Variants in PIEZO2 observed in about 807,000 individuals in gnomAD.
PIEZO2 encodes the protein piezo-type mechanosensitive ion channel component 2.
PIEZO2 carries 172 observed loss-of-function variants against 337.3 expected under a neutral mutation model. The ratio of observed to expected loss-of-function variants is 0.51; its 90% CI spans 0.45 to 0.58. The LOEUF (loss-of-function observed/expected upper bound fraction) is 0.58, where lower values mean the gene tolerates loss of function less well. Ranked by LOEUF, PIEZO2 falls within the 20% of genes least tolerant of loss-of-function variation. The probability of loss-of-function intolerance (pLI) is 0.00; values close to 1 mark genes in which losing one functional copy is unlikely to be tolerated. For missense variants in PIEZO2, 3,028 were observed against 3,391.3 expected (o/e 0.89, Z 2.66); for synonymous variants, 1,251 against 1,228.5 (o/e 1.02, Z -0.38).
At chr18:10,978,383 A>C (rs1258710553) in intron 3 of PIEZO2, among the ~76,000 whole-genome samples, 1 of 152,016 alleles carries the variant, frequency 6.6e-6, no homozygotes, top group East Asian at 1.9e-4. Context: ...TGAACTGTAT[A>C]TTTTAAATGG....
intron 7 of PIEZO2, among the ~76,000 whole-genome samples, chr18:10,841,317 T>A (rs2041185913): frequency 6.6e-6 from 1 of 152,002 alleles, no homozygotes; most frequent in Admixed American, 6.6e-5. Flanking sequence ...CAGCACTAAA[T>A]TCCCTCCCCT....
At chr18:11,100,816 C>T (rs533775113) in intron 1 of PIEZO2, among the ~76,000 whole-genome samples, 74 of 152,250 alleles carry the variant, frequency 4.9e-4, no homozygotes, top group Non-Finnish European at 8.7e-4. Context: ...AGGATGGTCT[C>T]GATCTCCTGA....
At chr18:10,805,591 G>A (rs1208016411) in intron 8 of PIEZO2, among the ~76,000 whole-genome samples, 1 of 152,238 alleles carries the variant, frequency 6.6e-6, no homozygotes, top group Non-Finnish European at 1.5e-5. Context: ...ACATATGCAT[G>A]TTTGTGGAGG....
intron 43 of PIEZO2, among the ~76,000 whole-genome samples, chr18:10,700,232 A>T (rs2035275460): frequency 6.6e-6 from 1 of 152,130 alleles, no homozygotes; most frequent in African/African-American, 2.4e-5. Context: ...AATTCTTCTA[A>T]TTATTTATCA....
chr18:10,919,682 T>C (rs1419711175), intron 3 of PIEZO2, among the ~76,000 whole-genome samples: 2 of 152,140 alleles, frequency 1.3e-5, no homozygotes, highest in Non-Finnish European at 2.9e-5. Context: ...TCCATATTAC[T>C]CTCAAAAGAA....
chr18:10,763,801 A>T (rs1249186689), intron 21 of PIEZO2, among the ~76,000 whole-genome samples: 3 of 152,168 alleles, frequency 2.0e-5, no homozygotes, highest in Non-Finnish European at 4.4e-5. Flanking sequence ...CTTTTGGGTG[A>T]CCCACTCACG....
intron 1 of PIEZO2, among the ~76,000 whole-genome samples, chr18:11,118,100 T>C (rs2039937039): frequency 6.6e-6 from 1 of 152,264 alleles, no homozygotes; most frequent in Non-Finnish European, 1.5e-5. Context: ...TGACATTTAC[T>C]TCCACCTCTG....
chr18:11,068,958 A>G (rs1241355891), intron 1 of PIEZO2, among the ~76,000 whole-genome samples: 4 of 152,186 alleles, frequency 2.6e-5, no homozygotes, highest in African/African-American at 9.6e-5. Flanking sequence ...ACAACCTACC[A>G]TGATGGAATC....
chr18:10,671,125 G>A lies in PIEZO2; in HGVS notation c.*402C>T, dbSNP rs950230277. On this transcript the variant is annotated 3_prime_UTR_variant, in exon 56 of 56. Coordinates refer to ENST00000674853, the MANE Select transcript of PIEZO2 (RefSeq NM_001378183.1). ...TCACAGCAGCTTCCCCAGTGGGGAT[G>A]GAGCGCTGTATATTGCATTGTAGCA... is the stretch of plus-strand genomic sequence containing the variant. The A allele has an allele frequency of 1.9e-5, 3 of 158,594 alleles. No individual in the cohort carries two copies. Among genetic ancestry groups the A allele is most frequent in the African/African-American group, 7.2e-5 (3 of 41,492 alleles). 9.8% of individuals were successfully genotyped at this position (158,594 alleles called of 1,614,324 possible).
chr18:10,798,294 C>A (rs1320835331), intron 11 of PIEZO2, among the ~76,000 whole-genome samples: 1 of 152,186 alleles, frequency 6.6e-6, no homozygotes, highest in Non-Finnish European at 1.5e-5. Flanking sequence ...TTGTTCAAAT[C>A]AAATGGGCTA....
intron 2 of PIEZO2, among the ~76,000 whole-genome samples, chr18:11,056,784 G>A (rs575319694): frequency 2.0e-5 from 3 of 152,230 alleles, no homozygotes; most frequent in Admixed American, 2.0e-4. Context: ...ACAGTCAGCT[G>A]TGTCCATTAG....
Position 11,096,554 on chromosome 18 carries a change from C to G in PIEZO2, c.65-30332G>C, listed in dbSNP as rs1269554745. On this transcript the variant is annotated intron_variant, in intron 1 of 55. Coordinates refer to ENST00000674853, the MANE Select transcript of PIEZO2 (RefSeq NM_001378183.1). This position sits in a 1 kb window ranked among gnomAD's most constrained non-coding sequence, Gnocchi z 4.6. ...GCATTCTCTGTGGCCATTCCCAGTT[C>G]TTTTCTGCAGGGATTTCCAAGAGAA... Among the ~76,000 whole-genome samples, 1 of 152,174 alleles carries G rather than the reference C, an allele frequency of 6.6e-6. No homozygotes were observed. Among genetic ancestry groups the G allele is most frequent in the African/African-American group, 2.4e-5 (1 of 41,450 alleles).
At chr18:10,908,450 C>G (rs548789972) in intron 4 of PIEZO2, 7 of 152,094 alleles carry the variant, frequency 4.6e-5, no homozygotes, top group Non-Finnish European at 1.0e-4. Context: ...AACCAGATAG[C>G]TGTATTTAAG....
At chr18:10,704,350 A>G in intron 42 of PIEZO2, 44 bp downstream of exon 42, 3 of 1,528,434 alleles carry the variant, frequency 2.0e-6, no homozygotes, top group Admixed American at 3.9e-5. Flanking sequence ...TTCCCCTTGC[A>G]TAGCCGCCTG....
At chr18:11,054,522 C>A (rs2037645713) in intron 2 of PIEZO2, among the ~76,000 whole-genome samples, 1 of 152,112 alleles carries the variant, frequency 6.6e-6, no homozygotes, top group East Asian at 1.9e-4. Flanking sequence ...CATCAGGCAA[C>A]CTTCGGGCAA....
chr18:10,680,046 G>T (rs1043767042), intron 52 of PIEZO2, among the ~76,000 whole-genome samples, 153 bp downstream of exon 52: 7 of 152,178 alleles, frequency 4.6e-5, no homozygotes, highest in African/African-American at 1.7e-4. Context: ...GTTAGCTTTG[G>T]CATTGAAGGT....
chr18:10,975,798 C>T (rs1029237571), intron 3 of PIEZO2, among the ~76,000 whole-genome samples: 1 of 152,098 alleles, frequency 6.6e-6, no homozygotes, highest in African/African-American at 2.4e-5. Flanking sequence ...TATAAATGAG[C>T]GCTTGGTGGT....
At chr18:10,740,824 C>G (rs2144150143) in intron 33 of PIEZO2, 1 of 693,088 alleles carries the variant, frequency 1.4e-6, no homozygotes, top group Non-Finnish European at 2.6e-6. Flanking sequence ...ACAAGAATGT[C>G]AGAACGTCTG....
intron 2 of PIEZO2, among the ~76,000 whole-genome samples, chr18:10,992,132 C>T (rs2035134054): frequency 6.6e-6 from 1 of 152,058 alleles, no homozygotes; most frequent in African/African-American, 2.4e-5. Flanking sequence ...GGATATTAGC[C>T]ATTTGTCAGA....
Sources: allele counts gnomAD v4.1 joint callset (sites outside exome capture counted in the v4.1 genomes callset), GRCh38; gene constraint gnomAD v4.1.1; non-coding constraint Gnocchi (gnomAD v3.1); transcripts MANE v1.5; gene names NCBI Gene and HGNC (gene_info 2026-07-23, HGNC 2026-07-21).